Variants in KLHL36 observed in about 807,000 individuals in gnomAD.
The protein encoded by KLHL36 is kelch-like protein 36.
Under a neutral mutation model 53.3 loss-of-function variants are expected in KLHL36, and 35 were observed. That is an observed-to-expected ratio of 0.66 (90% CI 0.50 to 0.87). KLHL36 has a LOEUF of 0.87. Ranked by LOEUF, KLHL36 falls within the 40% of genes least tolerant of loss-of-function variation. The probability of loss-of-function intolerance (pLI) is 0.00; values close to 1 mark genes in which losing one functional copy is unlikely to be tolerated. For synonymous variants in KLHL36, 472 were observed against 398.9 expected, an observed-to-expected ratio of 1.18 and a Z score of -2.18; for missense variants, 864 against 897.6, an observed-to-expected ratio of 0.96 and a Z score of 0.48.
rs1248083370 is a variant in KLHL36, at chr16:84,662,113, C to A, written c.1831C>A (p.His611Asn). Residue 611 changes from histidine to asparagine, a missense_variant, in exon 5 of 5, where the codon CAC (histidine) becomes AAC (asparagine). By Grantham distance (68) the His-to-Asn change is moderately conservative (BLOSUM62 1). Transcript: ENST00000564996. ...DKKKKGKGKRHQDRGQ is the reference protein window; with the variant it reads ...DKKKKGKGKRNQDRGQ ...GAAGAAGAAAGGCAAAGGCAAGAGGCACCAGGACCGGGGCCAGTGACCCTA... is the reference window on the plus strand; with the variant it reads ...GAAGAAGAAAGGCAAAGGCAAGAGGAACCAGGACCGGGGCCAGTGACCCTA... 3 of 1,552,976 alleles carry A rather than the reference C, an allele frequency of 1.9e-6. No individual in the cohort carries two copies. The highest frequency in any genetic ancestry group is 2.6e-6 in the Non-Finnish European group (3 of 1,147,648).
intron 3 of KLHL36, chr16:84,658,486 G>A (rs1907356409): frequency 6.6e-6 from 1 of 152,320 alleles, no homozygotes; most frequent in South Asian, 2.1e-4. Context: ...CTCACGCCTG[G>A]CCCTTGGGCA....
chr16:84,649,810 T>C (rs994143716), intron 1 of KLHL36, among the ~76,000 whole-genome samples: 13 of 152,212 alleles, frequency 8.5e-5, no homozygotes, highest in African/African-American at 2.7e-4. Context: ...AGACTATTTG[T>C]TCAATAGGTA....
Position 84,657,585 on chromosome 16 carries a change from G to T in KLHL36, c.778G>T (p.Glu260Ter). 6.2e-7 allele frequency: 1 copy of T among 1,611,066 alleles called. No homozygotes were observed. Residue 260 changes from glutamate to a stop codon, truncating the protein, a stop_gained, in exon 3 of 5, where the codon GAG becomes TAG. Coordinates refer to ENST00000564996, the MANE Select transcript of KLHL36 (RefSeq NM_024731.4). LOFTEE classifies it high-confidence loss of function. ...KPAVCSLLPKEANCEGFIEEA... is the reference protein window; with the variant it reads ...KPAVCSLLPK ...GGCCGTGTGCTCGCTGCTGCCCAAG[G>T]AGGCCAACTGCGAGGGCTTCATCGA...
In KLHL36 at chr16:84,661,851, C is replaced by T. The variant is rs1907572718; in HGVS notation, c.1569C>T (p.Cys523=). The T allele has an allele frequency of 3.7e-6, 6 of 1,603,542 alleles. No homozygotes were observed. Among genetic ancestry groups the T allele is most frequent in the South Asian group, 2.2e-5 (2 of 90,760 alleles). The part of the protein sequence containing the change: ...VLGVEAYSPQ[C]NQWTRVAPLL... Reference sequence around the variant, plus strand: ...GCGTGGAGGCCTACAGCCCGCAGTGCAACCAGTGGACCCGCGTGGCGCCGC... The same window carrying T: ...GCGTGGAGGCCTACAGCCCGCAGTGTAACCAGTGGACCCGCGTGGCGCCGC... The change falls in exon 5 of 5, where the codon TGC becomes TGT. Residue 523 remains cysteine, a synonymous_variant. Coordinates refer to ENST00000564996, the MANE Select transcript of KLHL36 (RefSeq NM_024731.4). The surrounding 1 kb of genome is among the most constrained non-coding windows in gnomAD (Gnocchi z 7.9).
At position 84,661,493 on chromosome 16, in the gene KLHL36, G is replaced by T. The variant is rs1027753687; in HGVS notation, c.1296-85G>T. 21 of 1,368,122 alleles carry T rather than the reference G, an allele frequency of 1.5e-5. No individual in the cohort carries two copies. In the Admixed American group the frequency reaches 4.0e-4, roughly 26 times the overall value. 84.7% of individuals were successfully genotyped at this position (1,368,122 alleles called of 1,614,324 possible). A position where few individuals can be genotyped will look rare whatever the true frequency, so the allele number is the denominator to read the frequency against. Reference sequence around the variant, plus strand: ...TTCTTAAATCCTCATGGCCCTCTAAGACGGCAGGCTGTTCCCCGGCTCGGA... The same window carrying T: ...TTCTTAAATCCTCATGGCCCTCTAATACGGCAGGCTGTTCCCCGGCTCGGA... On this transcript the variant is annotated intron_variant, in intron 4 of 4. Transcript: ENST00000564996. The surrounding 1 kb of genome is among the most constrained non-coding windows in gnomAD (Gnocchi z 7.9).
Position 84,659,932 on chromosome 16 carries a change from G to T in KLHL36, c.1295+15G>T. 1.9e-6 allele frequency: 3 copies of T among 1,597,190 alleles called. No homozygotes were observed. Among genetic ancestry groups the T allele is most frequent in the Non-Finnish European group, 2.6e-6 (3 of 1,166,776 alleles). On this transcript the variant is annotated intron_variant, in intron 4 of 4. Coordinates refer to ENST00000564996, the MANE Select transcript of KLHL36 (RefSeq NM_024731.4). ...GGCTTGCCAAGGTGATCTGGGGCTT[G>T]GTGGAAGGTTCTCCAAATGGGATGT...
chr16:84,656,616 A>G (rs1322595308), intron 2 of KLHL36, among the ~76,000 whole-genome samples: 3 of 124,990 alleles, frequency 2.4e-5, no homozygotes, highest in African/African-American at 8.7e-5. Context: ...TGGGCGACAG[A>G]GCAAGGCTCT....
In KLHL36 at chr16:84,662,316, C is replaced by T. The variant is rs1353363414; in HGVS notation, c.*183C>T. 6.6e-6 allele frequency: 4 copies of T among 602,632 alleles called. No homozygotes were observed. The highest frequency in any genetic ancestry group is 2.7e-5 in the South Asian group (1 of 37,734). 37.3% of individuals were successfully genotyped at this position (602,632 alleles called of 1,614,324 possible). ...AAATACTATCTGTAACTTTACATAT[C>T]TTGCTTGAATAACTAACCCTGGGCC... On this transcript the variant is annotated 3_prime_UTR_variant, in exon 5 of 5. Coordinates refer to ENST00000564996, the MANE Select transcript of KLHL36 (RefSeq NM_024731.4).
chr16:84,658,134 C>T (rs1427890799), intron 3 of KLHL36, 190 bp downstream of exon 3: 3 of 509,022 alleles, frequency 5.9e-6, no homozygotes, highest in East Asian at 6.4e-5. Flanking sequence ...GCCGACCCAC[C>T]CCTTCGAGGG....
intron 4 of KLHL36, among the ~76,000 whole-genome samples, chr16:84,660,893 A>G (rs894256092): frequency 1.3e-5 from 2 of 152,168 alleles, no homozygotes; most frequent in African/African-American, 4.8e-5. Flanking sequence ...AAGTGCTGGG[A>G]TTACAGGCAT....
In KLHL36 at chr16:84,661,928, A is replaced by T. The variant is rs1907580874; in HGVS notation, c.1646A>T (p.Tyr549Phe). 1 of 1,601,500 alleles carries T rather than the reference A, an allele frequency of 6.2e-7. No homozygotes were observed. The highest frequency in any genetic ancestry group is 8.5e-7 in the Non-Finnish European group (1 of 1,173,626). The stretch of plus-strand genomic sequence containing the variant: ...GTGGCAGTGTGGGAGGGCCGCATCT[A>T]CATCCTGGGCGGCTACAGCTGGGAG... ...SGVAVWEGRIYILGGYSWENT... is the reference protein window; with the variant it reads ...SGVAVWEGRIFILGGYSWENT... The change falls in exon 5 of 5, where the codon TAC becomes TTC. Residue 549 changes from tyrosine (Y) to phenylalanine (F), a missense_variant. By Grantham distance (22) the Tyr-to-Phe change is conservative. Transcript: ENST00000564996. This position sits in a 1 kb window ranked among gnomAD's most constrained non-coding sequence, Gnocchi z 7.9.
At position 84,648,778 on chromosome 16, in the gene KLHL36, G is replaced by T. The variant is rs1402230093; in HGVS notation, c.-17+129G>T. On this transcript the variant is annotated intron_variant, in intron 1 of 4. Transcript: ENST00000564996. This position sits in a 1 kb window ranked among gnomAD's most constrained non-coding sequence, Gnocchi z 4.9. ...GAGCCGCGACCCCCCTGCGCCCCTTGGTGCCGGGGCGGGCGGGTGGGCGAG... is the reference window on the plus strand; with the variant it reads ...GAGCCGCGACCCCCCTGCGCCCCTTTGTGCCGGGGCGGGCGGGTGGGCGAG... 2 of 148,796 alleles carry T rather than the reference G, an allele frequency of 1.3e-5. No individual in the cohort carries two copies. Among genetic ancestry groups the T allele is most frequent in the Non-Finnish European group, 3.0e-5 (2 of 66,632 alleles). 9.2% of individuals were successfully genotyped at this position (148,796 alleles called of 1,614,324 possible).
At chr16:84,653,930 A>G (rs965533633) in intron 2 of KLHL36, among the ~76,000 whole-genome samples, 4 of 151,780 alleles carry the variant, frequency 2.6e-5, no homozygotes, top group Admixed American at 2.0e-4. Context: ...AGCAGATTGC[A>G]GCTGATTGTA....
At chr16:84,656,617 G>A (rs1368929408) in intron 2 of KLHL36, among the ~76,000 whole-genome samples, 2 of 114,694 alleles carry the variant, frequency 1.7e-5, no homozygotes, top group African/African-American at 6.3e-5. Flanking sequence ...GGGCGACAGA[G>A]CAAGGCTCTG....
chr16:84,650,824 A>C, intron 1 of KLHL36, 28 bp from the exon 2 acceptor site: 2 of 1,529,728 alleles, frequency 1.3e-6, no homozygotes, highest in Non-Finnish European at 1.8e-6. Context: ...TTATGACTGC[A>C]TGCTCAGAAA....
At position 84,657,681 on chromosome 16, in the gene KLHL36, A is replaced by G; in HGVS notation, c.874A>G (p.Thr292Ala). 6 of 1,612,702 alleles carry G rather than the reference A, an allele frequency of 3.7e-6. No individual in the cohort carries two copies. The highest frequency in any genetic ancestry group is 5.1e-6 in the Non-Finnish European group (6 of 1,179,794). ...VMQTKRTALR[T>A]NQERLLFVGG... ...GCAGACCAAGCGCACGGCGCTGCGC[A>G]CCAACCAGGAGCGCCTGCTGTTTGT... The change falls in exon 3 of 5, where the codon ACC (threonine) becomes GCC (alanine). Residue 292 changes from threonine (T) to alanine (A), a missense_variant. By Grantham distance (58) the Thr-to-Ala change is moderately conservative (BLOSUM62 0). Transcript: ENST00000564996.
Position 84,665,014 on chromosome 16 carries a change from A to T in KLHL36, c.*2881A>T, listed in dbSNP as rs1907762460. The T allele has an allele frequency of 6.6e-6, 1 of 152,282 alleles. No individual in the cohort carries two copies. Among genetic ancestry groups the T allele is most frequent in the Non-Finnish European group, 1.5e-5 (1 of 68,082 alleles). 9.4% of individuals were successfully genotyped at this position (152,282 alleles called of 1,614,324 possible). ...GCACTCTAACCTGGGTGACGGAGTG[A>T]GACCCTGTCTCAAAAGAATAAAATG... On this transcript the variant is annotated 3_prime_UTR_variant, in exon 5 of 5. Coordinates refer to ENST00000564996, the MANE Select transcript of KLHL36 (RefSeq NM_024731.4).
Position 84,659,830 on chromosome 16 carries a change from G to A in KLHL36, c.1208G>A (p.Gly403Asp), listed in dbSNP as rs750989558. The change falls in exon 4 of 5, where the codon GGC becomes GAC. Residue 403 changes from glycine (G) to aspartate (D), a missense_variant. Transcript: ENST00000564996. ...ASIEDMLVAI[G>D]GRNENGALSS... ...ATCGAAGACATGCTGGTGGCCATCG[G>A]CGGCCGGAATGAGAACGGAGCGCTC... 6.2e-7 allele frequency: 1 copy of A among 1,614,142 alleles called. No homozygotes were observed. The highest frequency in any genetic ancestry group is 8.5e-7 in the Non-Finnish European group (1 of 1,180,024).
intron 3 of KLHL36, chr16:84,659,481 G>A (rs983626327): frequency 1.3e-5 from 5 of 382,810 alleles, no homozygotes; most frequent in South Asian, 4.0e-5. Context: ...CGCGGCTAAC[G>A]ACATGACCAG....
Sources: gnomAD v4.1 joint callset for allele counts (sites outside exome capture counted in the v4.1 genomes callset) on GRCh38, gnomAD v4.1.1 for gene constraint, Gnocchi (gnomAD v3.1) non-coding constraint, MANE v1.5 for transcripts, NCBI Gene and HGNC (gene_info 2026-07-23, HGNC 2026-07-21) for gene names.